Variants in GRIA1 observed in about 807,000 individuals in gnomAD.
The protein encoded by GRIA1 is glutamate receptor 1.
Under a neutral mutation model 99.2 loss-of-function variants are expected in GRIA1, and 31 were observed. The ratio of observed to expected loss-of-function variants is 0.31; its 90% CI spans 0.23 to 0.42. The LOEUF is 0.42. GRIA1 is among the 10% of genes least tolerant of loss of function. The pLI is 1.00. For missense variants in GRIA1, 782 were observed against 1,157.5 expected (o/e 0.68, Z 4.71); for synonymous variants, 438 against 432.4 (o/e 1.01, Z -0.16).
chr5:153,621,982 G>A (rs1015554817), intron 2 of GRIA1, among the ~76,000 whole-genome samples: 4 of 152,128 alleles, frequency 2.6e-5, no homozygotes, highest in Admixed American at 6.6e-5. Flanking sequence ...ACCATTCTAG[G>A]AGCTGCTAAA....
intron 11 of GRIA1, among the ~76,000 whole-genome samples, chr5:153,726,259 A>T (rs1760518537): frequency 6.7e-6 from 1 of 149,124 alleles, no homozygotes; most frequent in Admixed American, 6.7e-5. Context: ...AGGGAAATTT[A>T]TAGCACTAAA....
chr5:153,543,159 G>A (rs1759291127), intron 2 of GRIA1, among the ~76,000 whole-genome samples: 1 of 152,174 alleles, frequency 6.6e-6, no homozygotes, highest in Non-Finnish European at 1.5e-5. Context: ...AGATGTGATG[G>A]AGGTGGTGGT....
intron 2 of GRIA1, among the ~76,000 whole-genome samples, chr5:153,527,910 G>A (rs996035000): frequency 6.6e-6 from 1 of 152,114 alleles, no homozygotes; most frequent in African/African-American, 2.4e-5. Context: ...AAAGATTTAG[G>A]TTGTCCATCA....
chr5:153,669,568 C>G (rs1345632077), intron 5 of GRIA1, among the ~76,000 whole-genome samples: 2 of 152,098 alleles, frequency 1.3e-5, no homozygotes, highest in Non-Finnish European at 2.9e-5. Context: ...TGGATGATAT[C>G]TAAGATACAT....
chr5:153,808,603 A>G (rs143228311), intron 15 of GRIA1, among the ~76,000 whole-genome samples: 1 of 152,264 alleles, frequency 6.6e-6, no homozygotes, highest in African/African-American at 2.4e-5. Context: ...CATACACCAC[A>G]CCAGCATCTC....
At chr5:153,573,301 C>T (rs1204687316) in intron 2 of GRIA1, 1 of 152,110 alleles carries the variant, frequency 6.6e-6, no homozygotes, top group Non-Finnish European at 1.5e-5. Flanking sequence ...CTGATTTTAA[C>T]CTAACACAAT....
At chr5:153,607,069 A>ATATAAT (rs1581317931) in intron 2 of GRIA1, among the ~76,000 whole-genome samples, 1 of 130,216 alleles carries the variant, frequency 7.7e-6, no homozygotes, top group African/African-American at 2.6e-5. Context: ...ATATATATAT[A>ATATAAT]ATCACAGTTT....
At chr5:153,643,856 T>C (rs144706969) in intron 2 of GRIA1, among the ~76,000 whole-genome samples, 5 of 152,284 alleles carry the variant, frequency 3.3e-5, no homozygotes, top group South Asian at 2.1e-4. Flanking sequence ...TAAGGATTTG[T>C]TGTGTCTGCC....
chr5:153,790,034 A>T (rs1461227), intron 13 of GRIA1, among the ~76,000 whole-genome samples: 45,731 of 152,080 alleles, frequency 0.3, 9,159 homozygotes, highest in East Asian at 0.91. Flanking sequence ...GATGGCTGAC[A>T]TAGATTAGCC....
intron 5 of GRIA1, among the ~76,000 whole-genome samples, chr5:153,668,122 T>C (rs1484150810): frequency 6.6e-6 from 1 of 152,038 alleles, no homozygotes; most frequent in Non-Finnish European, 1.5e-5. Flanking sequence ...AGTTTCCCTA[T>C]CTGAACAATA....
At chr5:153,693,803 A>G (rs1757919971) in intron 8 of GRIA1, among the ~76,000 whole-genome samples, 1 of 152,248 alleles carries the variant, frequency 6.6e-6, no homozygotes, top group Non-Finnish European at 1.5e-5. Context: ...ATTCCTGCAT[A>G]TCCTCAGTAG....
rs1433614812 is a variant in GRIA1, at chr5:153,659,685, T to A, written c.699+3813T>A. ...CAACAAGCGAATGCTTCAGTGCCAC[T>A]GCAATTGCCAATATGAGTACCTAAA... On this transcript the variant is annotated intron_variant, in intron 5 of 15. Coordinates refer to ENST00000285900, the MANE Select transcript of GRIA1 (RefSeq NM_000827.4). Among the ~76,000 whole-genome samples the A allele has an allele frequency of 2.6e-5, 4 of 152,236 alleles. No homozygotes were observed. The East Asian group carries it at 7.7e-4, about 29-fold the overall frequency.
intron 2 of GRIA1, among the ~76,000 whole-genome samples, chr5:153,601,507 T>G (rs76290378): frequency 0.025 from 3,809 of 152,344 alleles, 66 homozygotes; most frequent in Non-Finnish European, 0.038. Flanking sequence ...TCATATACTC[T>G]CACATGTGTG....
intron 2 of GRIA1, 58 bp downstream of exon 2, chr5:153,494,123 G>A (rs1397563644): frequency 1.9e-6 from 3 of 1,567,224 alleles, no homozygotes; most frequent in African/African-American, 2.7e-5. Context: ...TGAAAGGAGG[G>A]CCTGTGGGTA....
In GRIA1 at chr5:153,706,011, C is replaced by G. The variant is rs764080775; in HGVS notation, c.1767C>G (p.Asn589Lys). Residue 589 changes from asparagine to lysine, a missense_variant, in exon 11 of 16, where the codon AAC becomes AAG. By Grantham distance (94) the Asn-to-Lys change is moderately conservative. Coordinates refer to ENST00000285900, the MANE Select transcript of GRIA1 (RefSeq NM_000827.4). ...SDQSNEFGIF[N>K]SLWFSLGAFM... The stretch of plus-strand genomic sequence containing the variant: ...AGTCCAATGAGTTTGGGATATTCAA[C>G]AGTTTGTGGTTCTCCCTGGGAGCCT... 1 of 1,613,768 alleles carries G rather than the reference C, an allele frequency of 6.2e-7. No homozygotes were observed. The highest frequency in any genetic ancestry group is 1.7e-5 in the Admixed American group (1 of 60,004).
At chr5:153,769,817 T>C (rs1763753844) in intron 12 of GRIA1, among the ~76,000 whole-genome samples, 1 of 152,092 alleles carries the variant, frequency 6.6e-6, no homozygotes, top group South Asian at 2.1e-4. Context: ...TTTCTTCTGG[T>C]TAGTATAAAT....
chr5:153,676,340 G>T (rs1756583804), intron 6 of GRIA1, among the ~76,000 whole-genome samples: 1 of 152,120 alleles, frequency 6.6e-6, no homozygotes, highest in South Asian at 2.1e-4. Context: ...TATTTTCCTG[G>T]ACTGCTCTCC....
At chr5:153,624,263 G>C (rs762675091) in intron 2 of GRIA1, among the ~76,000 whole-genome samples, 2 of 152,242 alleles carry the variant, frequency 1.3e-5, no homozygotes, top group Non-Finnish European at 2.9e-5. Flanking sequence ...TCCCCAGGAA[G>C]AATGTTGTGA....
At chr5:153,774,488 C>T (rs1446355946) in intron 13 of GRIA1, among the ~76,000 whole-genome samples, 1 of 152,154 alleles carries the variant, frequency 6.6e-6, no homozygotes, top group Admixed American at 6.5e-5. Context: ...TGAGTTTGTT[C>T]CAGGTATTAT....
Sources: gnomAD v4.1 joint callset for allele counts (sites outside exome capture counted in the v4.1 genomes callset) on GRCh38, gnomAD v4.1.1 for gene constraint, MANE v1.5 for transcripts, NCBI Gene and HGNC (gene_info 2026-07-23, HGNC 2026-07-21) for gene names.